The following CDH4 variants were observed in gnomAD, a reference collection of about 807,000 sequenced individuals.
The protein encoded by CDH4 is cadherin-4.
In CDH4, 33 loss-of-function variants were observed where a neutral mutation model predicts 86.0. That is an observed-to-expected ratio of 0.38 (90% CI 0.29 to 0.51). The LOEUF (loss-of-function observed/expected upper bound fraction) is 0.51, where lower values mean the gene tolerates loss of function less well. Among genes scored for constraint, CDH4 ranks in the 20% least tolerant of loss-of-function variants. CDH4 has a pLI of 0.86. For missense variants in CDH4, 1,114 were observed against 1,307.4 expected (o/e 0.85, Z 2.28); for synonymous variants, 555 against 549.4 (o/e 1.01, Z -0.14).
intron 2 of CDH4, among the ~76,000 whole-genome samples, chr20:61,477,954 T>A (rs2085548580): frequency 6.6e-6 from 1 of 152,208 alleles, no homozygotes; most frequent in Admixed American, 6.5e-5. Flanking sequence ...ACATAGAGCT[T>A]TTGTTGTGGA....
intron 2 of CDH4, among the ~76,000 whole-genome samples, chr20:61,669,992 C>T (rs1213517820): frequency 6.6e-6 from 1 of 151,812 alleles, no homozygotes; most frequent in East Asian, 1.9e-4. Context: ...CAGGCTGCAG[C>T]ATTAATACCC....
intron 2 of CDH4, among the ~76,000 whole-genome samples, chr20:61,657,648 G>A (rs1600847203): frequency 6.6e-6 from 1 of 152,248 alleles, no homozygotes; most frequent in Non-Finnish European, 1.5e-5. Context: ...TACAGAAGTT[G>A]GATGGGCCTT....
At chr20:61,861,184 G>A (rs187583250) in intron 6 of CDH4, among the ~76,000 whole-genome samples, 49 of 152,328 alleles carry the variant, frequency 3.2e-4, no homozygotes, top group African/African-American at 8.7e-4. Flanking sequence ...TCTGCACCCA[G>A]GGGCAGGGCC....
intron 2 of CDH4, among the ~76,000 whole-genome samples, chr20:61,577,204 ATG>A (rs1177139777): frequency 6.6e-6 from 1 of 150,762 alleles, no homozygotes; most frequent in Non-Finnish European, 1.5e-5. Context: ...GGTTGAGTAT[ATG>A]TTTGTGTGTT....
At chr20:61,565,260 G>GTGGTGGTCCTCTTGGTGATGGGGTGA (rs2086274445) in intron 2 of CDH4, among the ~76,000 whole-genome samples, 1 of 101,726 alleles carries the variant, frequency 9.8e-6, no homozygotes, top group Non-Finnish European at 2.1e-5. Flanking sequence ...CTTGGTGATG[G>GTGGTGGTCCTCTTGGTGATGGGGTGA]TGGTGGTGGT....
intron 2 of CDH4, among the ~76,000 whole-genome samples, chr20:61,331,620 C>CTCACCTCCTGCCCCGG (rs2084575553): frequency 5.2e-5 from 3 of 57,886 alleles, no homozygotes; most frequent in Non-Finnish European, 7.8e-5. Context: ...CTGCCCCAGG[C>CTCACCTCCTGCCCCGG]CCACCTCCTG....
rs111232450 is a variant in CDH4 at position 61,802,550 on chromosome 20, G to GA, written c.576+29378dup. ...CGCTTTGAAGGAAAACTTACTTGGG[G>GA]AAAAAAAAAACAACTGTCTCCGTTG... On this transcript the variant is annotated intron_variant, in intron 4 of 15. Transcript: ENST00000614565. Among the ~76,000 whole-genome samples the GA allele has an allele frequency of 1.9e-4, 28 of 149,674 alleles. 1 individual carries two copies. Among genetic ancestry groups the GA allele is most frequent in the East Asian group, 1.2e-3 (6 of 5,098 alleles).
At chr20:61,852,064 C>T (rs573276450) in intron 5 of CDH4, among the ~76,000 whole-genome samples, 9 of 152,352 alleles carry the variant, frequency 5.9e-5, no homozygotes, top group East Asian at 1.9e-4. Flanking sequence ...CTTTTCACCT[C>T]GAAGATGGTT....
intron 6 of CDH4, among the ~76,000 whole-genome samples, chr20:61,871,039 AT>A (rs1983782219): frequency 1.1e-4 from 17 of 149,754 alleles, no homozygotes; most frequent in Admixed American, 2.0e-4. Flanking sequence ...TATTTATAGG[AT>A]GTGTGTGTGT....
At chr20:61,772,946 C>T (rs2088792441) in intron 3 of CDH4, 57 bp from the exon 4 acceptor site, 2 of 1,506,312 alleles carry the variant, frequency 1.3e-6, no homozygotes, top group South Asian at 2.5e-5. Flanking sequence ...TGCCATTTTC[C>T]TCTGTGCAAA....
chr20:61,436,193 C>T (rs1054848586), intron 2 of CDH4, among the ~76,000 whole-genome samples: 1 of 152,166 alleles, frequency 6.6e-6, no homozygotes, highest in African/African-American at 2.4e-5. Context: ...CACCTTGCTC[C>T]TCTCTTAAGC....
chr20:61,343,887 G>A (rs1421444136), intron 2 of CDH4, among the ~76,000 whole-genome samples: 1 of 152,058 alleles, frequency 6.6e-6, no homozygotes, highest in Non-Finnish European at 1.5e-5. Flanking sequence ...TTGAAAGAAT[G>A]GGGCCCACTT....
At chr20:61,755,816 A>G (rs1279662299) in intron 3 of CDH4, among the ~76,000 whole-genome samples, 1 of 152,194 alleles carries the variant, frequency 6.6e-6, no homozygotes, top group Non-Finnish European at 1.5e-5. Flanking sequence ...ACGTACGCAC[A>G]TTCCACACAG....
chr20:61,565,363 AT>A (rs2086286191), intron 2 of CDH4, among the ~76,000 whole-genome samples: 3 of 15,510 alleles, frequency 1.9e-4, no homozygotes, highest in Admixed American at 1.9e-3. Flanking sequence ...TGATGGGGTG[AT>A]GGTGGTGGTG....
At chr20:61,819,532 TGCA>T (rs1176004164) in intron 4 of CDH4, among the ~76,000 whole-genome samples, 4 of 152,260 alleles carry the variant, frequency 2.6e-5, no homozygotes, top group Non-Finnish European at 5.9e-5. Context: ...GCGGCCGGGC[TGCA>T]GCCCAGCACC....
chr20:61,925,344 G>A (rs958168628), intron 11 of CDH4, among the ~76,000 whole-genome samples: 1 of 152,200 alleles, frequency 6.6e-6, no homozygotes, highest in African/African-American at 2.4e-5. Context: ...TTCTGGAACC[G>A]AAGATCAGTC....
At chr20:61,869,931 G>A (rs548098330) in intron 6 of CDH4, among the ~76,000 whole-genome samples, 92 of 152,236 alleles carry the variant, frequency 6.0e-4, no homozygotes, top group Non-Finnish European at 1.2e-3. Flanking sequence ...CCATGATGTC[G>A]TGAGGTTATC....
At chr20:61,667,987 T>A (rs929418335) in intron 2 of CDH4, among the ~76,000 whole-genome samples, 1 of 152,216 alleles carries the variant, frequency 6.6e-6, no homozygotes, top group African/African-American at 2.4e-5. Flanking sequence ...GAGTAAGTGC[T>A]CTTGAGAGGC....
At position 61,536,506 on chromosome 20, in the gene CDH4, T is replaced by C. The variant is rs184279943; in HGVS notation, c.170-207057T>C. ...GGGAGGGAGAAAAGGCTCGTGGGCA[T>C]TGATAACCCACGAAACTCAAGCCAG... On this transcript the variant is annotated intron_variant, in intron 2 of 15. Transcript: ENST00000614565. Among the ~76,000 whole-genome samples, 58 of 152,054 alleles carry C rather than the reference T, an allele frequency of 3.8e-4. No individual in the cohort carries two copies. In the East Asian group the frequency reaches 8.4e-3, roughly 22 times the overall value.
Sources: allele counts gnomAD v4.1 joint callset (sites outside exome capture counted in the v4.1 genomes callset), GRCh38; gene constraint gnomAD v4.1.1; transcripts MANE v1.5; gene names NCBI Gene and HGNC (gene_info 2026-07-23, HGNC 2026-07-21).